The following TCTN3 variants were observed in gnomAD, a reference collection of about 807,000 sequenced individuals.
TCTN3 encodes the protein tectonic family member 3.
A neutral mutation model predicts 71.3 loss-of-function variants in TCTN3; 57 were observed. The observed-to-expected ratio is 0.80, with a 90% CI of 0.65 to 1.00. TCTN3 has a LOEUF of 1.00. Among genes scored for constraint, TCTN3 ranks in the 50% least tolerant of loss-of-function variants. TCTN3 has a pLI of 0.00. For synonymous variants in TCTN3, 258 were observed against 267.8 expected (o/e 0.96, Z 0.36); for missense variants, 696 against 719.9 (o/e 0.97, Z 0.38).
chr10:95,679,652 CG>C (rs1008563171), intron 13 of TCTN3, among the ~76,000 whole-genome samples: 1 of 129,410 alleles, frequency 7.7e-6, no homozygotes, highest in African/African-American at 2.9e-5. Context: ...AGTGCAGTGG[CG>C]GGATCTCGGC....
At chr10:95,668,628 T>C (rs2097927973) in intron 13 of TCTN3, among the ~76,000 whole-genome samples, 1 of 146,558 alleles carries the variant, frequency 6.8e-6, no homozygotes, top group Admixed American at 7.2e-5. Context: ...AGAAAAAAAA[T>C]ACTTTACATG....
At chr10:95,679,992 T>C (rs1327002302) in intron 13 of TCTN3, among the ~76,000 whole-genome samples, 1 of 152,216 alleles carries the variant, frequency 6.6e-6, no homozygotes, top group East Asian at 1.9e-4. Context: ...AGGCGCATAA[T>C]AAACAATAGG....
At chr10:95,679,371 T>C (rs972899513) in intron 13 of TCTN3, among the ~76,000 whole-genome samples, 2 of 152,194 alleles carry the variant, frequency 1.3e-5, no homozygotes, top group African/African-American at 4.8e-5. Context: ...ACCCCATTTC[T>C]AGGCAAAGAG....
chr10:95,666,329 A>G (rs10882649), intron 13 of TCTN3, among the ~76,000 whole-genome samples: 40,460 of 151,462 alleles, frequency 0.27, 6,227 homozygotes, highest in Admixed American at 0.38. Flanking sequence ...AACCACATAC[A>G]TTACAAGGAT....
Position 95,663,914 on chromosome 10 carries a change from A to T in TCTN3, c.*153T>A. 1 of 650,918 alleles carries T rather than the reference A, an allele frequency of 1.5e-6. No individual in the cohort carries two copies. The highest frequency in any genetic ancestry group is 2.7e-6 in the Non-Finnish European group (1 of 371,250). The allele number at this position is 650,918 out of a possible 1,614,324, so 40.3% of individuals were successfully genotyped here. ...AATATTTTTATTGCTTTTCTAAAAT[A>T]ACTCCTTTCATATACAAGGATTCCT... On this transcript the variant is annotated 3_prime_UTR_variant, in exon 14 of 14. Transcript: ENST00000371217.
Position 95,684,535 on chromosome 10 carries a change from G to A in TCTN3, c.1059C>T (p.Gly353=), listed in dbSNP as rs750698768. The change falls in exon 9 of 14, where the codon GGC becomes GGT. Residue 353 remains glycine (G), a synonymous_variant. Coordinates refer to ENST00000371217, the MANE Select transcript of TCTN3 (RefSeq NM_015631.6). ...LGQTNLTVEP[G]ASLQQHFILR... ...GGATGAAGTGTTGCTGTAAGGAAGC[G>A]CCTGGCTCAACAGTCAGGTTGGTTT... is the stretch of plus-strand genomic sequence containing the variant. 1.2e-5 allele frequency: 19 copies of A among 1,613,910 alleles called. No individual in the cohort carries two copies. In the East Asian group the frequency reaches 1.3e-4, roughly 11 times the overall value.
intron 13 of TCTN3, among the ~76,000 whole-genome samples, chr10:95,674,354 A>G (rs1410337736): frequency 6.6e-6 from 1 of 152,100 alleles, no homozygotes; most frequent in African/African-American, 2.4e-5. Context: ...TTTCCTAGTG[A>G]CTTTAAGTTT....
chr10:95,689,363 G>A (rs7086682), intron 3 of TCTN3, among the ~76,000 whole-genome samples: 2,681 of 152,302 alleles, frequency 0.018, 83 homozygotes, highest in African/African-American at 0.061. Flanking sequence ...TGTTGATGCT[G>A]CTGTTCTGTG....
chr10:95,684,594 A>G lies in TCTN3; in HGVS notation c.1000T>C (p.Phe334Leu). ...CTGACAGAAACTTTCTGGATTCCAA[A>G]AGTCCCATTGGTCTCTATCTCATAG... ...VTYEIETNGT[F>L]GIQKVSVSLG... Residue 334 changes from phenylalanine (F) to leucine (L), a missense_variant, in exon 9 of 14, where the codon TTT becomes CTT. Phe to Leu is a conservative substitution (Grantham distance 22). Transcript: ENST00000371217. The G allele has an allele frequency of 6.2e-7, 1 of 1,614,084 alleles. No homozygotes were observed. Among genetic ancestry groups the G allele is most frequent in the South Asian group, 1.1e-5 (1 of 91,090 alleles).
At chr10:95,691,551 C>A (rs555447310) in intron 3 of TCTN3, among the ~76,000 whole-genome samples, 2 of 152,254 alleles carry the variant, frequency 1.3e-5, no homozygotes, top group Non-Finnish European at 2.9e-5. Context: ...AAATTCAAGT[C>A]CCCCAAAACC....
intron 3 of TCTN3, among the ~76,000 whole-genome samples, chr10:95,691,770 C>T (rs1037430998): frequency 1.3e-5 from 2 of 152,170 alleles, no homozygotes; most frequent in African/African-American, 4.8e-5. Context: ...TTTCTAAGTC[C>T]ACTAACCATC....
At position 95,687,729 on chromosome 10, in the gene TCTN3, T is replaced by C. The variant is rs1465265811; in HGVS notation, c.500-10A>G. The C allele has an allele frequency of 6.2e-7, 1 of 1,600,180 alleles. No homozygotes were observed. The highest frequency in any genetic ancestry group is 8.5e-7 in the Non-Finnish European group (1 of 1,176,654). On this transcript the variant is annotated splice_polypyrimidine_tract_variant and intron_variant, in intron 3 of 13. Transcript: ENST00000371217. ...AAATAGTTTAAGTTTGCTAAAATGTTTTTTAAAAGAAAAAGCGTTTAGATA... is the reference window on the plus strand; with the variant it reads ...AAATAGTTTAAGTTTGCTAAAATGTCTTTTAAAAGAAAAAGCGTTTAGATA...
At chr10:95,682,453 C>T (rs1305439563) in intron 12 of TCTN3, among the ~76,000 whole-genome samples, 198 bp downstream of exon 12, 1 of 151,594 alleles carries the variant, frequency 6.6e-6, no homozygotes, top group Non-Finnish European at 1.5e-5. Context: ...GAGATCATGC[C>T]ACCACACTCG....
chr10:95,667,967 A>G (rs1263211934), intron 13 of TCTN3, among the ~76,000 whole-genome samples: 1 of 152,196 alleles, frequency 6.6e-6, no homozygotes, highest in East Asian at 1.9e-4. Flanking sequence ...ACTGTACCAA[A>G]TGAACAGAAT....
At chr10:95,685,864 T>G (rs2097947801) in intron 7 of TCTN3, among the ~76,000 whole-genome samples, 2 of 152,214 alleles carry the variant, frequency 1.3e-5, no homozygotes, top group African/African-American at 4.8e-5. Flanking sequence ...AAGGGTTCCA[T>G]AGTCAAATAA....
intron 13 of TCTN3, 74 bp from the exon 14 acceptor site, chr10:95,664,374 T>C: frequency 3.3e-6 from 4 of 1,228,282 alleles, no homozygotes; most frequent in Non-Finnish European, 4.7e-6. Context: ...GCTGTTATTA[T>C]TACTTTCCCT....
In TCTN3 at chr10:95,683,164, C is replaced by T. The variant is rs2097944766; in HGVS notation, c.1235G>A (p.Ser412Asn). Residue 412 changes from serine (S) to asparagine (N), a missense_variant, in exon 11 of 14, where the codon AGT (serine) becomes AAT (asparagine). Coordinates refer to ENST00000371217, the MANE Select transcript of TCTN3 (RefSeq NM_015631.6). Reference protein sequence around the residue: ...MTLLQSQGNGSCSVKRHEVQF... With the variant: ...MTLLQSQGNGNCSVKRHEVQF... The stretch of plus-strand genomic sequence containing the variant: ...CACTTCATGTCTTTTAACAGAGCAA[C>T]TTCCATTACCCTGGCTCTGTAAGAG... The T allele has an allele frequency of 1.2e-6, 2 of 1,613,958 alleles. No homozygotes were observed. The highest frequency in any genetic ancestry group is 2.7e-5 in the African/African-American group (2 of 74,898).
chr10:95,666,008 T>G (rs1415134502), intron 13 of TCTN3, among the ~76,000 whole-genome samples: 1 of 151,700 alleles, frequency 6.6e-6, no homozygotes, highest in Non-Finnish European at 1.5e-5. Context: ...TGGCGTGATC[T>G]CGGCTCACTG....
intron 13 of TCTN3, among the ~76,000 whole-genome samples, chr10:95,665,600 TA>T (rs1421112799): frequency 7.2e-5 from 11 of 152,062 alleles, no homozygotes; most frequent in Admixed American, 1.3e-4. Flanking sequence ...TTTATTATTA[TA>T]TTTTTTTGTA....
Sources: gnomAD v4.1 joint callset for allele counts (sites outside exome capture counted in the v4.1 genomes callset) on GRCh38, gnomAD v4.1.1 for gene constraint, MANE v1.5 for transcripts, NCBI Gene and HGNC (gene_info 2026-07-23, HGNC 2026-07-21) for gene names.